Variants in STARD8 observed in about 807,000 individuals in gnomAD.
The protein encoded by STARD8 is stAR-related lipid transfer protein 8.
A neutral mutation model predicts 69.4 loss-of-function variants in STARD8; 25 were observed. The observed-to-expected ratio is 0.36, with a 90% confidence interval of 0.26 to 0.50. The LOEUF is 0.50. Among genes scored for constraint, STARD8 ranks in the 20% least tolerant of loss-of-function variants. The probability of loss-of-function intolerance (pLI) is 0.96; values close to 1 mark genes in which losing one functional copy is unlikely to be tolerated. For missense variants in STARD8, 921 were observed against 932.5 expected, an observed-to-expected ratio of 0.99 and a Z score of 0.16; for synonymous variants, 389 against 374.6, an observed-to-expected ratio of 1.04 and a Z score of -0.45.
intron 1 of STARD8, among the ~76,000 whole-genome samples, chrX:68,658,306 T>C (rs1479731654): frequency 8.9e-6 from 1 of 112,180 alleles, no homozygotes; most frequent in Admixed American, 9.5e-5. Flanking sequence ...GGTTTAGAAA[T>C]TTATCCAAGA....
At chrX:68,654,888 G>A (rs746808562) in intron 1 of STARD8, among the ~76,000 whole-genome samples, 2 of 112,304 alleles carry the variant, frequency 1.8e-5, no homozygotes, top group South Asian at 7.5e-4. Context: ...GTGTGACGAT[G>A]ATAGGGTGAT....
chrX:68,722,870 A>G (rs576587417), intron 12 of STARD8, among the ~76,000 whole-genome samples: 1 of 112,467 alleles, frequency 8.9e-6, no homozygotes, highest in Non-Finnish European at 1.9e-5. Flanking sequence ...TGCCAGAATG[A>G]CCTTCCAAAA....
chrX:68,706,122 G>A lies in STARD8; in HGVS notation c.80-6792G>A, dbSNP rs766697447. On this transcript the variant is annotated intron_variant, in intron 2 of 14. Transcript: ENST00000374599. ...GAACTTGGCATCCAGCTGTAGCCCC[G>A]GCCAAGACCGAGGCTGGCATCTGAA... Among the ~76,000 whole-genome samples the A allele has an allele frequency of 2.6e-3, 295 of 111,880 alleles. 1 individual carries two copies. The highest frequency in any genetic ancestry group is 4.7e-3 in the Non-Finnish European group (248 of 53,083).
In STARD8 at chrX:68,723,792, A is replaced by G; in HGVS notation, c.2966A>G (p.Tyr989Cys). ...ATGCCGGGTGTGGAGCTGTACCACTATGTCACCGACAGCATGGCACCCCAT... is the reference window on the plus strand; with the variant it reads ...ATGCCGGGTGTGGAGCTGTACCACTGTGTCACCGACAGCATGGCACCCCAT... ...ALMPGVELYH[Y>C]VTDSMAPHPC... Residue 989 changes from tyrosine to cysteine, a missense_variant, in exon 13 of 15, where the codon TAT (tyrosine) becomes TGT (cysteine). Tyr to Cys is a radical substitution (Grantham distance 194). Coordinates refer to ENST00000374599, the MANE Select transcript of STARD8 (RefSeq NM_001142503.3). 5.9e-6 allele frequency: 7 copies of G among 1,180,644 alleles called. No homozygotes were observed. Among genetic ancestry groups the G allele is most frequent in the Non-Finnish European group, 8.0e-6 (7 of 880,012 alleles).
At chrX:68,668,073 C>CTTTCTTTG (rs1326459747) in intron 2 of STARD8, among the ~76,000 whole-genome samples, 1 of 87,566 alleles carries the variant, frequency 1.1e-5, no homozygotes, top group Non-Finnish European at 2.2e-5. Flanking sequence ...TTCTTTCTTT[C>CTTTCTTTG]TTTCTTTCTT....
At chrX:68,677,558 G>C (rs190464695) in intron 2 of STARD8, among the ~76,000 whole-genome samples, 9 of 111,433 alleles carry the variant, frequency 8.1e-5, no homozygotes, top group Non-Finnish European at 1.7e-4. Context: ...GCTACACCTG[G>C]AGATGCTGAT....
chrX:68,672,227 T>C (rs1421187130), intron 2 of STARD8, among the ~76,000 whole-genome samples: 1 of 111,617 alleles, frequency 9.0e-6, no homozygotes. Flanking sequence ...AAGTAGTGTG[T>C]TCCTTCTTCC....
At chrX:68,684,468 G>A (rs2079818870) in intron 2 of STARD8, among the ~76,000 whole-genome samples, 1 of 112,965 alleles carries the variant, frequency 8.9e-6, no homozygotes, top group African/African-American at 3.2e-5. Context: ...ACTGCCGGGG[G>A]CTATGTCCCA....
intron 2 of STARD8, among the ~76,000 whole-genome samples, chrX:68,682,008 T>C (rs1027765868): frequency 1.8e-5 from 2 of 109,076 alleles, no homozygotes; most frequent in Non-Finnish European, 3.8e-5. Flanking sequence ...CAATTTTTTT[T>C]TTTTTTTTCA....
rs778547388 is a variant in STARD8 at position 68,718,369 on chromosome X, GGCCCCA to G, written c.1461_1466del (p.Pro493_Ala494del). 6.6e-6 allele frequency: 8 copies of G among 1,204,481 alleles called. No homozygotes were observed. The Admixed American group carries it at 1.5e-4, about 23-fold the overall frequency. On this transcript the variant is annotated inframe_deletion, in exon 6 of 15. Transcript: ENST00000374599. ...TGGCACAGGAAGAGGCTGAGGCCCC[GGCCCCA>G]GCCCCGGCCCCGGCCCCAGCCCAGG...
At chrX:68,674,450 G>A (rs780193807) in intron 2 of STARD8, among the ~76,000 whole-genome samples, 1 of 110,999 alleles carries the variant, frequency 9.0e-6, no homozygotes, top group East Asian at 2.8e-4. Context: ...GGTACTTTGG[G>A]GATGCAAAAG....
chrX:68,670,649 G>A (rs747961164), intron 2 of STARD8, among the ~76,000 whole-genome samples: 46 of 111,376 alleles, frequency 4.1e-4, no homozygotes, highest in Non-Finnish European at 8.5e-4. Context: ...CAGGTGGAAA[G>A]ACAGGTCTGA....
chrX:68,699,890 T>C (rs932035205), intron 2 of STARD8, among the ~76,000 whole-genome samples: 13 of 112,050 alleles, frequency 1.2e-4, no homozygotes, highest in Non-Finnish European at 2.3e-4. Context: ...GCTCTCACGA[T>C]TGGAGAGCCC....
Position 68,647,776 on chromosome X carries a change from G to A in STARD8, c.-107G>A. ...GCCGGCTCATGGAGCGCAGGGACCG[G>A]GCTGGCTCTCGCCGAGCCCCGGGCC... is the stretch of plus-strand genomic sequence containing the variant. On this transcript the variant is annotated 5_prime_UTR_variant, in exon 1 of 15. Transcript: ENST00000374599. The A allele has an allele frequency of 2.0e-6, 2 of 1,020,945 alleles. No homozygotes were observed. 84.1% of individuals were successfully genotyped at this position (1,020,945 alleles called of 1,213,427 possible).
chrX:68,699,539 A>T (rs1329378209), intron 2 of STARD8, among the ~76,000 whole-genome samples: 1 of 111,081 alleles, frequency 9.0e-6, no homozygotes, highest in Non-Finnish European at 1.9e-5. Flanking sequence ...ACCTTCAGGG[A>T]TCTGAGGATG....
rs779723274 is a variant in STARD8, at chrX:68,647,775, G to A, written c.-108G>A. 1.8e-5 allele frequency: 18 copies of A among 1,009,025 alleles called. No homozygotes were observed. The African/African-American group carries it at 2.7e-4, about 15-fold the overall frequency. 83.2% of individuals were successfully genotyped at this position (1,009,025 alleles called of 1,213,427 possible). ...GGCCGGCTCATGGAGCGCAGGGACC[G>A]GGCTGGCTCTCGCCGAGCCCCGGGC... On this transcript the variant is annotated 5_prime_UTR_variant, in exon 1 of 15. Coordinates refer to ENST00000374599, the MANE Select transcript of STARD8 (RefSeq NM_001142503.3).
chrX:68,669,489 G>T (rs1352709820), intron 2 of STARD8, among the ~76,000 whole-genome samples: 1 of 112,431 alleles, frequency 8.9e-6, no homozygotes. Flanking sequence ...CCACAGAGGT[G>T]AGGAGGCTGC....
At position 68,647,755 on chromosome X, in the gene STARD8, G is replaced by C. The variant is rs1394293220; in HGVS notation, c.-128G>C. Reference sequence around the variant, plus strand: ...CTCCGCCTCTCCCCTCGCGGGGCCGGCTCATGGAGCGCAGGGACCGGGCTG... The same window carrying C: ...CTCCGCCTCTCCCCTCGCGGGGCCGCCTCATGGAGCGCAGGGACCGGGCTG... On this transcript the variant is annotated 5_prime_UTR_variant, in exon 1 of 15. Coordinates refer to ENST00000374599, the MANE Select transcript of STARD8 (RefSeq NM_001142503.3). 2 of 871,758 alleles carry C rather than the reference G, an allele frequency of 2.3e-6. No homozygotes were observed. Among genetic ancestry groups the C allele is most frequent in the East Asian group, 3.7e-5 (1 of 26,800 alleles). The allele number at this position is 871,758 out of a possible 1,213,427, so 71.8% of individuals were successfully genotyped here.
At chrX:68,658,712 A>G (rs945197219) in intron 1 of STARD8, among the ~76,000 whole-genome samples, 1 of 112,601 alleles carries the variant, frequency 8.9e-6, no homozygotes, top group African/African-American at 3.2e-5. Flanking sequence ...ACTTGTAACA[A>G]TAACAAGGAG....
Sources: gnomAD v4.1 joint callset for allele counts (sites outside exome capture counted in the v4.1 genomes callset) on GRCh38, gnomAD v4.1.1 for gene constraint, MANE v1.5 for transcripts, NCBI Gene and HGNC (gene_info 2026-07-23, HGNC 2026-07-21) for gene names.